NSUN5: variants seen among roughly 807,000 people sequenced by gnomAD.
The protein encoded by NSUN5 is 28S rRNA (cytosine-C(5))-methyltransferase.
In NSUN5, 39 loss-of-function variants were observed where a neutral mutation model predicts 51.1. The observed-to-expected ratio is 0.76, with a 90% CI of 0.59 to 1.00. NSUN5 has a LOEUF of 1.00. Ranked by LOEUF, NSUN5 falls within the 50% of genes least tolerant of loss-of-function variation. The pLI is 0.00. For missense variants in NSUN5, 526 were observed against 614.0 expected (o/e 0.86, Z 1.51); for synonymous variants, 266 against 271.5 (o/e 0.98, Z 0.20).
Position 73,302,908 on chromosome 7 carries a change from T to TA in NSUN5, c.*506dup, listed in dbSNP as rs1803860660. ...GGAGGGAGTGAACCTCAAGCCTAAA[T>TA]ACCTGTTAGGATTGGAGGGTCTGGG... On this transcript the variant is annotated 3_prime_UTR_variant, in exon 10 of 10. Transcript: ENST00000438747. The TA allele has an allele frequency of 9.6e-7, 1 of 1,044,428 alleles. No individual in the cohort carries two copies. The highest frequency in any genetic ancestry group is 4.9e-5 in the Admixed American group (1 of 20,378). The allele number at this position is 1,044,428 out of a possible 1,614,324, so 64.7% of individuals were successfully genotyped here.
intron 6 of NSUN5, 107 bp downstream of exon 6, chr7:73,304,640 G>T: frequency 1.9e-6 from 2 of 1,039,526 alleles, no homozygotes; most frequent in Non-Finnish European, 3.0e-6. Flanking sequence ...GAACTGCTTT[G>T]GTGCAGCAAG....
Position 73,303,298 on chromosome 7 carries a change from G to C in NSUN5, c.*117C>G, listed in dbSNP as rs576531176. ...ACCAGCAAGAACACAGCCCAAGGAA[G>C]GGACCCAATAACCTTTCAAAACCCA... On this transcript the variant is annotated 3_prime_UTR_variant, in exon 10 of 10. Coordinates refer to ENST00000438747, the MANE Select transcript of NSUN5 (RefSeq NM_148956.4). The C allele has an allele frequency of 1.9e-6, 3 of 1,613,500 alleles. No individual in the cohort carries two copies. The highest frequency in any genetic ancestry group is 2.2e-5 in the East Asian group (1 of 44,872).
Position 73,304,029 on chromosome 7 carries a change from C to A in NSUN5, c.942G>T (p.Pro314=). 1 of 1,614,010 alleles carries A rather than the reference C, an allele frequency of 6.2e-7. No homozygotes were observed. The highest frequency in any genetic ancestry group is 2.2e-5 in the East Asian group (1 of 44,884). ...CCCCGGGCTCCTCCAGCTGTCTGCT[C>A]GGCATACCTAAGGAAAAGAGTGTCT... is the stretch of plus-strand genomic sequence containing the variant. ...LDPSCSGSGM[P]SRQLEEPGAG... is the part of the protein sequence containing the mutation. Residue 314 remains proline, a synonymous_variant, in exon 8 of 10, where the codon CCG becomes CCT. Coordinates refer to ENST00000438747, the MANE Select transcript of NSUN5 (RefSeq NM_148956.4).
rs781990365 is a variant in NSUN5 at position 73,308,439 on chromosome 7, G to A, written c.208C>T (p.Leu70=). 6.2e-7 allele frequency: 1 copy of A among 1,601,902 alleles called. No individual in the cohort carries two copies. Among genetic ancestry groups the A allele is most frequent in the South Asian group, 1.1e-5 (1 of 90,602 alleles). Residue 70 remains leucine (L), a synonymous_variant, in exon 2 of 10, where the codon CTG becomes TTG. Transcript: ENST00000438747. ...CCCTCCCCTCCCCTCACCTTGGCCA[G>A]GTGCGGCCGCAGCTTCTTCTCCGCA... is the stretch of plus-strand genomic sequence containing the variant. The part of the protein sequence containing the change: ...LRAEKKLRPH[L]AKVLVYELLL...
At position 73,308,726 on chromosome 7, in the gene NSUN5, T is replaced by C. The variant is rs1554542390; in HGVS notation, c.65A>G (p.Lys22Arg). The change falls in exon 1 of 10, where the codon AAG becomes AGG. Residue 22 changes from lysine to arginine, a missense_variant. Transcript: ENST00000438747. ...GAAGTTGCTGGAGTACACCAACCCC[T>C]TGATAGAGCCCTGGCGGCTCTCCAC... The part of the protein sequence containing the change: ...AGVESRQGSI[K>R]GLVYSSNFQN... The C allele has an allele frequency of 2.5e-6, 4 of 1,599,474 alleles. No individual in the cohort carries two copies. The African/African-American group carries it at 4.1e-5, about 16-fold the overall frequency.
At position 73,307,613 on chromosome 7, in the gene NSUN5, G is replaced by A. The variant is rs782569180; in HGVS notation, c.361C>T (p.Leu121=). The change falls in exon 3 of 10, where the codon CTG becomes TTG. Residue 121 remains leucine (L), a synonymous_variant. Coordinates refer to ENST00000438747, the MANE Select transcript of NSUN5 (RefSeq NM_148956.4). ...CCAGGCCTGGATCCCACTTCCAACA[G>A]GTCCTCATTCCGGCTCACACCCCGA... ...VHRGVSRNED[L]LEVGSRPGPA... is the part of the protein sequence containing the mutation. 7 of 1,583,002 alleles carry A rather than the reference G, an allele frequency of 4.4e-6. No homozygotes were observed. In the East Asian group the frequency reaches 1.6e-4, roughly 36 times the overall value.
At chr7:73,307,271 G>A (rs782095556) in intron 4 of NSUN5, 123 bp downstream of exon 4, 1 of 701,678 alleles carries the variant, frequency 1.4e-6, no homozygotes, top group Non-Finnish European at 2.5e-6. Flanking sequence ...CTTGGAGATG[G>A]ATAAACTGCT....
intron 4 of NSUN5, among the ~76,000 whole-genome samples, chr7:73,305,446 C>T (rs1803999367): frequency 6.6e-6 from 1 of 151,774 alleles, no homozygotes; most frequent in Non-Finnish European, 1.5e-5. Flanking sequence ...TGAAGCATAA[C>T]CTTGGAAAAA....
chr7:73,308,417 T>G lies in NSUN5; in HGVS notation c.216+14A>C, dbSNP rs782312670. ...CCGTCGGGGTTCACTTCCCCGTCCC[T>G]CCCCTCCCCTCACCTTGGCCAGGTG... On this transcript the variant is annotated intron_variant, in intron 2 of 9. Coordinates refer to ENST00000438747, the MANE Select transcript of NSUN5 (RefSeq NM_148956.4). 5 of 1,584,446 alleles carry G rather than the reference T, an allele frequency of 3.2e-6. No individual in the cohort carries two copies. Among genetic ancestry groups the G allele is most frequent in the East Asian group, 2.3e-5 (1 of 44,380 alleles).
rs868981462 is a variant in NSUN5 at position 73,308,429 on chromosome 7, A to C, written c.216+2T>G. 19 of 1,596,536 alleles carry C rather than the reference A, an allele frequency of 1.2e-5. No individual in the cohort carries two copies. The highest frequency in any genetic ancestry group is 1.5e-5 in the Non-Finnish European group (18 of 1,169,592). On this transcript the variant is annotated splice_donor_variant, in intron 2 of 9. Coordinates refer to ENST00000438747, the MANE Select transcript of NSUN5 (RefSeq NM_148956.4). LOFTEE classifies it high-confidence loss of function. The stretch of plus-strand genomic sequence containing the variant: ...ACTTCCCCGTCCCTCCCCTCCCCTC[A>C]CCTTGGCCAGGTGCGGCCGCAGCTT...
chr7:73,308,303 A>AG, intron 2 of NSUN5, 128 bp downstream of exon 2: 2 of 1,156,708 alleles, frequency 1.7e-6, no homozygotes, highest in Non-Finnish European at 2.4e-6. Flanking sequence ...AACCCAGGGA[A>AG]GGTCGGCTCA....
Position 73,307,769 on chromosome 7 carries a change from G to A in NSUN5, c.217-12C>T, listed in dbSNP as rs1554542155. Reference sequence around the variant, plus strand: ...TCATACACTAGCACCTGGGAATGAGGGAACAAAGACAAAAACAAAAATGCC... The same window carrying A: ...TCATACACTAGCACCTGGGAATGAGAGAACAAAGACAAAAACAAAAATGCC... On this transcript the variant is annotated splice_polypyrimidine_tract_variant and intron_variant, in intron 2 of 9. Coordinates refer to ENST00000438747, the MANE Select transcript of NSUN5 (RefSeq NM_148956.4). 2.0e-6 allele frequency: 3 copies of A among 1,534,144 alleles called. No homozygotes were observed. Among genetic ancestry groups the A allele is most frequent in the Non-Finnish European group, 2.6e-6 (3 of 1,136,888 alleles).
rs1803940324 is a variant in NSUN5 at position 73,304,260 on chromosome 7, T to C, written c.904A>G (p.Ile302Val). 2 of 1,613,600 alleles carry C rather than the reference T, an allele frequency of 1.2e-6. No homozygotes were observed. Among genetic ancestry groups the C allele is most frequent in the Non-Finnish European group, 1.7e-6 (2 of 1,179,822 alleles). ...CCACTGCAGGAAGGATCCAGCAGGA[T>C]GTAGTGGACCTCATGGTAGCGTGGA... ...SDPRYHEVHYILLDPSCSGSG... is the reference protein window; with the variant it reads ...SDPRYHEVHYVLLDPSCSGSG... The change falls in exon 7 of 10, where the codon ATC becomes GTC. Residue 302 changes from isoleucine (I) to valine (V), a missense_variant. Ile to Val is a conservative substitution (Grantham distance 29). Transcript: ENST00000438747.
chr7:73,307,389 C>G lies in NSUN5; in HGVS notation c.500+5G>C. Reference sequence around the variant, plus strand: ...ATGAGGACAGCCAGGGCTCTAAGCTCTCACCTGGAAGCCCGACCCTGATAG... The same window carrying G: ...ATGAGGACAGCCAGGGCTCTAAGCTGTCACCTGGAAGCCCGACCCTGATAG... On this transcript the variant is annotated splice_donor_5th_base_variant and intron_variant, in intron 4 of 9. Transcript: ENST00000438747. 2.5e-6 allele frequency: 4 copies of G among 1,609,334 alleles called. No individual in the cohort carries two copies. The highest frequency in any genetic ancestry group is 1.3e-5 in the African/African-American group (1 of 74,934).
chr7:73,304,787 T>C lies in NSUN5; in HGVS notation c.715A>G (p.Asn239Asp). 1.2e-6 allele frequency: 2 copies of C among 1,613,864 alleles called. No homozygotes were observed. The highest frequency in any genetic ancestry group is 1.7e-6 in the Non-Finnish European group (2 of 1,179,838). ...HVIDACAAPG[N>D]KTSHLAALLK... ...AGAGCAGCCAAGTGACTGGTCTTAT[T>C]GCCTGGGGCGGCACAGGCATCGATG... is the stretch of plus-strand genomic sequence containing the variant. The change falls in exon 6 of 10, where the codon AAT becomes GAT. Residue 239 changes from asparagine to aspartate, a missense_variant. Asn to Asp is a conservative substitution (Grantham distance 23). Transcript: ENST00000438747.
At position 73,303,955 on chromosome 7, in the gene NSUN5, T is replaced by C; in HGVS notation, c.1016A>G (p.Gln339Arg). 6.2e-7 allele frequency: 1 copy of C among 1,614,102 alleles called. No homozygotes were observed. The highest frequency in any genetic ancestry group is 8.5e-7 in the Non-Finnish European group (1 of 1,179,992). The change falls in exon 8 of 10, where the codon CAG becomes CGG. Residue 339 changes from glutamine to arginine, a missense_variant. Transcript: ENST00000438747. ...VRLHALAGFQ[Q>R]RALCHALTFP... ...AGTGAGTGCGTGGCACAGGGCTCGC[T>C]GCTGGAACCCTGCCAGGGCATGCAG...
intron 4 of NSUN5, among the ~76,000 whole-genome samples, chr7:73,307,090 G>A (rs185410884): frequency 3.3e-5 from 5 of 152,264 alleles, no homozygotes; most frequent in Admixed American, 6.5e-5. Flanking sequence ...TCTGTGGTGC[G>A]TTCATATGAA....
chr7:73,307,508 T>G lies in NSUN5; in HGVS notation c.392-6A>C, dbSNP rs1405392448. ...AAATCGAGGCAGCTGGGAGGCTACGTAGGACGCAATGAGCAGTGAGTAGGC... is the reference window on the plus strand; with the variant it reads ...AAATCGAGGCAGCTGGGAGGCTACGGAGGACGCAATGAGCAGTGAGTAGGC... On this transcript the variant is annotated splice_polypyrimidine_tract_variant and splice_region_variant and intron_variant, in intron 3 of 9. Coordinates refer to ENST00000438747, the MANE Select transcript of NSUN5 (RefSeq NM_148956.4). 6.2e-7 allele frequency: 1 copy of G among 1,613,956 alleles called. No homozygotes were observed. The highest frequency in any genetic ancestry group is 1.3e-5 in the African/African-American group (1 of 74,884).
chr7:73,303,610 C>T lies in NSUN5; in HGVS notation c.1276G>A (p.Glu426Lys), dbSNP rs139085967. Reference protein sequence around the residue: ...GFFVAVIERVEVPSSASQAKA... With the variant: ...GFFVAVIERVKVPSSASQAKA... The stretch of plus-strand genomic sequence containing the variant: ...CCCCCACTCACTCACCTTGGCACCT[C>T]GACCCGTTCAATTACAGCAACGAAG... Residue 426 changes from glutamate to lysine, a missense_variant, in exon 9 of 10, where the codon GAG becomes AAG. Transcript: ENST00000438747. 1.3e-5 allele frequency: 21 copies of T among 1,614,210 alleles called. No individual in the cohort carries two copies. The African/African-American group carries it at 1.7e-4, about 13-fold the overall frequency.
Sources: allele counts gnomAD v4.1 joint callset (sites outside exome capture counted in the v4.1 genomes callset), GRCh38; gene constraint gnomAD v4.1.1; transcripts MANE v1.5; gene names NCBI Gene and HGNC (gene_info 2026-07-23, HGNC 2026-07-21).